CDH18: variants seen among roughly 807,000 people sequenced by gnomAD.
CDH18 encodes cadherin 18.
In CDH18, 31 loss-of-function variants were observed where a neutral mutation model predicts 67.9. The ratio of observed to expected loss-of-function variants is 0.46; its 90% CI spans 0.34 to 0.62. The LOEUF (loss-of-function observed/expected upper bound fraction) is 0.62, where lower values mean the gene tolerates loss of function less well. Among genes scored for constraint, CDH18 ranks in the 20% least tolerant of loss-of-function variants. CDH18 has a pLI of 0.01. For synonymous variants in CDH18, 362 were observed against 347.2 expected (o/e 1.04, Z -0.48); for missense variants, 890 against 975.5 (o/e 0.91, Z 1.17).
At chr5:19,576,895 A>G (rs1742402936) in intron 7 of CDH18, among the ~76,000 whole-genome samples, 1 of 151,902 alleles carries the variant, frequency 6.6e-6, no homozygotes, top group African/African-American at 2.4e-5. Context: ...TACACAGTGG[A>G]ATACTATTTA....
intron 2 of CDH18, among the ~76,000 whole-genome samples, chr5:20,035,086 A>G (rs954829415): frequency 6.6e-6 from 1 of 152,006 alleles, no homozygotes; most frequent in African/African-American, 2.4e-5. Flanking sequence ...GCATGGAGGA[A>G]GAGCCTCTGT....
intron 2 of CDH18, among the ~76,000 whole-genome samples, chr5:20,144,070 G>C (rs915146938): frequency 1.3e-5 from 2 of 152,132 alleles, no homozygotes; most frequent in Non-Finnish European, 2.9e-5. Flanking sequence ...GACTGATAAA[G>C]ACATAGAAGG....
chr5:19,943,483 T>C (rs1257181217), intron 2 of CDH18, among the ~76,000 whole-genome samples: 1 of 152,114 alleles, frequency 6.6e-6, no homozygotes, highest in East Asian at 1.9e-4. Flanking sequence ...ATGAAAGCCA[T>C]TGCAAGCTCT....
chr5:20,381,069 T>C (rs1224899296), intron 1 of CDH18, among the ~76,000 whole-genome samples: 5 of 151,956 alleles, frequency 3.3e-5, no homozygotes. Flanking sequence ...GAGATTAGGA[T>C]ACACAGAGAA....
rs530004903 is a variant in CDH18, at chr5:19,850,696, T to C, written c.-256-11454A>G. 2.6e-5 allele frequency among the ~76,000 whole-genome samples: 4 copies of C among 151,920 alleles called. No individual in the cohort carries two copies. In the East Asian group the frequency reaches 7.7e-4, roughly 29 times the overall value. ...CCTTAGTCATCTATTTTGCTTTCAG[T>C]CTCCCAGAGCTATAAAAGGAAAATT... On this transcript the variant is annotated intron_variant, in intron 2 of 12. Coordinates refer to ENST00000382275, the MANE Select transcript of CDH18 (RefSeq NM_004934.5).
chr5:19,651,331 T>TA (rs1331710504), intron 5 of CDH18, among the ~76,000 whole-genome samples: 1 of 152,026 alleles, frequency 6.6e-6, no homozygotes, highest in African/African-American at 2.4e-5. Flanking sequence ...TCTCTGGATT[T>TA]AAAAAAATGT....
intron 2 of CDH18, among the ~76,000 whole-genome samples, chr5:19,890,943 AAAG>A (rs1419333126): frequency 1.3e-5 from 2 of 152,196 alleles, no homozygotes; most frequent in African/African-American, 4.8e-5. Context: ...GGAATCAGAA[AAAG>A]AAGATTTAGT....
intron 2 of CDH18, among the ~76,000 whole-genome samples, chr5:19,911,871 C>T (rs954938432): frequency 6.6e-6 from 1 of 152,112 alleles, no homozygotes; most frequent in African/African-American, 2.4e-5. Flanking sequence ...AGATAACTTG[C>T]TTGAGCTTTT....
chr5:19,474,845 T>C (rs1738168844), intron 12 of CDH18, among the ~76,000 whole-genome samples: 1 of 152,110 alleles, frequency 6.6e-6, no homozygotes, highest in Admixed American at 6.6e-5. Flanking sequence ...GTGATAGAAA[T>C]GTGTCTTGGG....
chr5:19,736,361 C>G (rs1170900361), intron 4 of CDH18, among the ~76,000 whole-genome samples: 1 of 152,040 alleles, frequency 6.6e-6, no homozygotes, highest in Admixed American at 6.5e-5. Context: ...TCTAGCTAGC[C>G]TGGGGGACTG....
chr5:20,294,836 T>TAC (rs1161659020), intron 1 of CDH18, among the ~76,000 whole-genome samples: 137 of 152,276 alleles, frequency 9.0e-4, no homozygotes, highest in African/African-American at 2.8e-3. Flanking sequence ...CATATATATA[T>TAC]ACACACATAC....
At chr5:20,305,288 C>A in intron 1 of CDH18, 5 of 1,494,482 alleles carry the variant, frequency 3.3e-6, no homozygotes, top group South Asian at 1.1e-5. Context: ...TTAAAGCCTC[C>A]TCTACTGTCA....
At chr5:20,031,055 T>C (rs1739348867) in intron 2 of CDH18, among the ~76,000 whole-genome samples, 1 of 152,110 alleles carries the variant, frequency 6.6e-6, no homozygotes, top group Non-Finnish European at 1.5e-5. Context: ...TTACAGAAGC[T>C]CAAGAGAGTC....
chr5:19,955,099 C>T (rs1191992151), intron 2 of CDH18, among the ~76,000 whole-genome samples: 1 of 152,058 alleles, frequency 6.6e-6, no homozygotes, highest in Non-Finnish European at 1.5e-5. Context: ...AGGGCTTTTC[C>T]TCCTTAGCTT....
intron 1 of CDH18, among the ~76,000 whole-genome samples, chr5:20,461,147 G>C (rs998306872): frequency 3.0e-4 from 46 of 152,110 alleles, no homozygotes; most frequent in Non-Finnish European, 3.8e-4. Context: ...ACAGCCACAC[G>C]CTTGCTGTAC....
intron 2 of CDH18, among the ~76,000 whole-genome samples, chr5:20,174,707 A>C (rs1252870066): frequency 6.6e-6 from 1 of 152,188 alleles, no homozygotes; most frequent in African/African-American, 2.4e-5. Context: ...TGAAAAATAC[A>C]ATTTGTGTGT....
chr5:19,628,745 G>A (rs1751946364), intron 5 of CDH18, among the ~76,000 whole-genome samples: 1 of 151,976 alleles, frequency 6.6e-6, no homozygotes, highest in South Asian at 2.1e-4. Flanking sequence ...GGTTTTTAGA[G>A]GAGCAAGCTA....
At chr5:19,750,721 AT>A (rs1261927753) in intron 3 of CDH18, among the ~76,000 whole-genome samples, 1 of 151,146 alleles carries the variant, frequency 6.6e-6, no homozygotes, top group Non-Finnish European at 1.5e-5. Flanking sequence ...AAGTAAAAAT[AT>A]TTGGAAGATA....
chr5:20,186,098 G>C (rs1185128614), intron 2 of CDH18, among the ~76,000 whole-genome samples: 1 of 151,894 alleles, frequency 6.6e-6, no homozygotes, highest in East Asian at 1.9e-4. Context: ...ATATATGCAA[G>C]CAAATAAAAA....
Sources: allele counts gnomAD v4.1 joint callset (sites outside exome capture counted in the v4.1 genomes callset), GRCh38; gene constraint gnomAD v4.1.1; transcripts MANE v1.5; gene names NCBI Gene and HGNC (gene_info 2026-07-23, HGNC 2026-07-21).